Variants in ASH1L observed in about 807,000 individuals in gnomAD.
ASH1L encodes histone-lysine N-methyltransferase ASH1L.
A neutral mutation model predicts 269.0 loss-of-function variants in ASH1L; 23 were observed. That is an observed-to-expected ratio of 0.09 (90% confidence interval 0.06 to 0.12). ASH1L has a LOEUF of 0.12. Ranked by LOEUF, ASH1L falls within the 10% of genes least tolerant of loss-of-function variation. The pLI is 1.00. For missense variants in ASH1L, 2,912 were observed against 3,567.8 expected (o/e 0.82, Z 4.68); for synonymous variants, 1,187 against 1,253.5 (o/e 0.95, Z 1.12).
chr1:155,538,478 C>T (rs1670205637), intron 1 of ASH1L, among the ~76,000 whole-genome samples: 1 of 152,024 alleles, frequency 6.6e-6, no homozygotes, highest in African/African-American at 2.4e-5. Flanking sequence ...CTGCCTCAGC[C>T]TCCCGAGTAG....
chr1:155,513,858 T>C (rs922141981), intron 2 of ASH1L, among the ~76,000 whole-genome samples: 2 of 152,192 alleles, frequency 1.3e-5, no homozygotes, highest in African/African-American at 2.4e-5. Context: ...TAGAAATTAA[T>C]AGTTGACAAT....
intron 12 of ASH1L, among the ~76,000 whole-genome samples, chr1:155,364,922 TAAAA>T (rs60237031): frequency 1.9e-5 from 2 of 107,152 alleles, no homozygotes; most frequent in Non-Finnish European, 1.9e-5. Flanking sequence ...AGCTCTGTCT[TAAAA>T]AAAAAAAAAA....
In ASH1L at chr1:155,480,551, G is replaced by A. The variant is rs1302446891; in HGVS notation, c.2319C>T (p.Asp773=). ...NIGPPSFVDH[D]FLKRRLPKLS... ...ACTTTGGCAATCGGCGTTTAAGGAA[G>A]TCATGATCTACAAATGAAGGGGGTC... Residue 773 remains aspartate, a synonymous_variant, in exon 3 of 28, where the codon GAC becomes GAT. Transcript: ENST00000392403. 6.2e-7 allele frequency: 1 copy of A among 1,614,148 alleles called. No homozygotes were observed. The highest frequency in any genetic ancestry group is 1.7e-5 in the Admixed American group (1 of 60,018).
chr1:155,463,834 T>A (rs886815976), intron 3 of ASH1L, among the ~76,000 whole-genome samples: 1 of 152,028 alleles, frequency 6.6e-6, no homozygotes, highest in Non-Finnish European at 1.5e-5. Context: ...AGCAGTGAGT[T>A]ATACCCAGTA....
rs548247130 is a variant in ASH1L at position 155,511,351 on chromosome 1, G to A, written c.420+9749C>T. On this transcript the variant is annotated intron_variant, in intron 2 of 27. Transcript: ENST00000392403. ...CTACAAAATTCCCACAGGGATCACT[G>A]CAGTTTGATATACTTAACAATGTTT... 1.9e-3 allele frequency among the ~76,000 whole-genome samples: 294 copies of A among 152,266 alleles called. 2 individuals carry two copies. The highest frequency in any genetic ancestry group is 3.4e-3 in the Non-Finnish European group (234 of 68,026).
At chr1:155,410,809 T>C (rs1346039293) in intron 6 of ASH1L, among the ~76,000 whole-genome samples, 1 of 150,544 alleles carries the variant, frequency 6.6e-6, no homozygotes, top group Non-Finnish European at 1.5e-5. Context: ...TCTTGCTATG[T>C]TGCCCAGGTT....
chr1:155,474,766 T>C (rs1012594814), intron 3 of ASH1L, among the ~76,000 whole-genome samples: 6 of 152,184 alleles, frequency 3.9e-5, no homozygotes, highest in African/African-American at 1.4e-4. Flanking sequence ...TTCTCTCTCT[T>C]AGTGCATGTT....
In ASH1L at chr1:155,411,586, A is replaced by ATATATATATATATATAT. The variant is rs1558075618; in HGVS notation, c.6008+4157_6008+4158insATATATATATATATATA. On this transcript the variant is annotated intron_variant, in intron 6 of 27. Transcript: ENST00000392403. Reference sequence around the variant, plus strand: ...AAATATGAATATAAATAAATAAATAAATATATATATATATATATATATATA... The same window carrying ATATATATATATATATAT: ...AAATATGAATATAAATAAATAAATAATATATATATATATATATATATATATATATATATATATATATA... Among the ~76,000 whole-genome samples, 54 of 55,098 alleles carry ATATATATATATATATAT rather than the reference A, an allele frequency of 9.8e-4. 1 individual carries two copies. The highest frequency in any genetic ancestry group is 1.7e-3 in the African/African-American group (22 of 12,642). The allele number at this position is 55,098 out of a possible 152,430, so 36.1% of individuals were successfully genotyped here.
At chr1:155,425,574 G>A (rs1661083475) in intron 5 of ASH1L, among the ~76,000 whole-genome samples, 1 of 151,752 alleles carries the variant, frequency 6.6e-6, no homozygotes, top group African/African-American at 2.4e-5. Context: ...AAGTAGCTGG[G>A]ATTACAGGCA....
chr1:155,486,908 G>A (rs1666366581), intron 2 of ASH1L, among the ~76,000 whole-genome samples: 1 of 151,894 alleles, frequency 6.6e-6, no homozygotes, highest in African/African-American at 2.4e-5. Flanking sequence ...GCTCACGCCT[G>A]TAATCCCAGC....
chr1:155,500,233 G>C (rs1349473354), intron 2 of ASH1L, among the ~76,000 whole-genome samples: 1 of 152,154 alleles, frequency 6.6e-6, no homozygotes, highest in African/African-American at 2.4e-5. Flanking sequence ...CCCCTTAGCT[G>C]TCTATTTTGT....
intron 12 of ASH1L, among the ~76,000 whole-genome samples, chr1:155,362,978 TTTTA>T (rs775941621): frequency 1.3e-4 from 20 of 152,222 alleles, no homozygotes; most frequent in South Asian, 4.1e-4. Flanking sequence ...ATTTAAAAAT[TTTTA>T]TTTATTTATT....
intron 27 of ASH1L, among the ~76,000 whole-genome samples, 158 bp from the exon 28 acceptor site, chr1:155,337,909 AGAG>A (rs1198513035): frequency 2.0e-5 from 3 of 152,332 alleles, no homozygotes; most frequent in East Asian, 3.9e-4. Flanking sequence ...GTGGTTCTTT[AGAG>A]GAGATCATCT....
intron 1 of ASH1L, among the ~76,000 whole-genome samples, chr1:155,561,168 G>T (rs938241781): frequency 2.0e-5 from 3 of 151,982 alleles, no homozygotes; most frequent in African/African-American, 7.2e-5. Flanking sequence ...TTTTCACAGA[G>T]ATTCAGTATC....
chr1:155,487,654 G>C (rs1048083282), intron 2 of ASH1L, among the ~76,000 whole-genome samples: 1 of 152,056 alleles, frequency 6.6e-6, no homozygotes, highest in Non-Finnish European at 1.5e-5. Flanking sequence ...AAAGTGCTGG[G>C]ATTACAGGGG....
At chr1:155,400,148 C>A (rs141738049) in intron 6 of ASH1L, among the ~76,000 whole-genome samples, 81 of 152,084 alleles carry the variant, frequency 5.3e-4, no homozygotes, top group African/African-American at 1.8e-3. Context: ...GAGATTGAGA[C>A]CATCCTGGCT....
intron 4 of ASH1L, among the ~76,000 whole-genome samples, chr1:155,444,663 C>T (rs1047989833): frequency 6.6e-5 from 10 of 151,936 alleles, no homozygotes; most frequent in Admixed American, 1.3e-4. Flanking sequence ...TCACCCAGGC[C>T]GGAGTACAGT....
At chr1:155,439,196 G>C in intron 4 of ASH1L, 128 bp from the exon 5 acceptor site, 1 of 1,008,324 alleles carries the variant, frequency 9.9e-7, no homozygotes, top group Non-Finnish European at 1.4e-6. Context: ...TAGGTAAATT[G>C]ATGGTTTACT....
chr1:155,473,542 G>A (rs1665280742), intron 3 of ASH1L, among the ~76,000 whole-genome samples: 1 of 148,426 alleles, frequency 6.7e-6, no homozygotes, highest in African/African-American at 2.5e-5. Flanking sequence ...AGCCCAGGCT[G>A]GAGTGAAGTG....
Sources: gnomAD v4.1 joint callset for allele counts (sites outside exome capture counted in the v4.1 genomes callset) on GRCh38, gnomAD v4.1.1 for gene constraint, MANE v1.5 for transcripts, NCBI Gene and HGNC (gene_info 2026-07-23, HGNC 2026-07-21) for gene names.